Variants in MGAT4C observed in about 807,000 individuals in gnomAD.
MGAT4C encodes MGAT4 family member C, also known as alpha-1,3-mannosyl-glycoprotein 4-beta-N-acetylglucosaminyltransferase C.
A neutral mutation model predicts 40.1 loss-of-function variants in MGAT4C; 19 were observed. That is an observed-to-expected ratio of 0.47 (90% CI 0.33 to 0.70). The LOEUF (loss-of-function observed/expected upper bound fraction) is 0.70. MGAT4C is among the 30% of genes least tolerant of loss of function. The pLI is 0.02. For synonymous variants in MGAT4C, 181 were observed against 187.1 expected (o/e 0.97, Z 0.27); for missense variants, 491 against 563.2 (o/e 0.87, Z 1.30).
chr12:86,433,020 T>C (rs1957070535), intron 3 of MGAT4C, among the ~76,000 whole-genome samples: 1 of 151,944 alleles, frequency 6.6e-6, no homozygotes, highest in Admixed American at 6.6e-5. Context: ...AGCCACACAG[T>C]TCAGTTAGAA....
At chr12:86,779,642 G>A (rs1351236210) in intron 1 of MGAT4C, among the ~76,000 whole-genome samples, 13 of 151,764 alleles carry the variant, frequency 8.6e-5, no homozygotes, top group Admixed American at 5.9e-4. Context: ...GGCCGGGAGC[G>A]GTGGCTTACT....
intron 4 of MGAT4C, among the ~76,000 whole-genome samples, chr12:86,331,240 T>G (rs1016080622): frequency 6.6e-6 from 1 of 152,214 alleles, no homozygotes; most frequent in East Asian, 1.9e-4. Context: ...TCCAAGCGGT[T>G]GCATCCCTTC....
intron 2 of MGAT4C, among the ~76,000 whole-genome samples, chr12:86,450,789 CTA>C: frequency 6.7e-6 from 1 of 148,918 alleles, no homozygotes; most frequent in East Asian, 2.0e-4. Flanking sequence ...AAATATGTGA[CTA>C]TACACGTAAT....
chr12:86,520,614 TG>T (rs1170350116), intron 2 of MGAT4C, among the ~76,000 whole-genome samples: 2 of 152,166 alleles, frequency 1.3e-5, no homozygotes, highest in African/African-American at 4.8e-5. Context: ...CTAAGTGGAA[TG>T]GTAGTTCTGT....
chr12:86,775,773 T>C (rs1951737763), intron 1 of MGAT4C, among the ~76,000 whole-genome samples: 1 of 151,682 alleles, frequency 6.6e-6, no homozygotes, highest in African/African-American at 2.4e-5. Context: ...CCAAATAATT[T>C]ACTATTTCTG....
intron 1 of MGAT4C, among the ~76,000 whole-genome samples, chr12:86,235,106 C>T (rs985672850): frequency 6.6e-6 from 1 of 151,942 alleles, no homozygotes; most frequent in Admixed American, 6.6e-5. Flanking sequence ...GTTCATACAT[C>T]TTCATAGGTT....
At chr12:86,489,848 T>C (rs1354319355) in intron 2 of MGAT4C, among the ~76,000 whole-genome samples, 3 of 151,874 alleles carry the variant, frequency 2.0e-5, no homozygotes, top group African/African-American at 7.3e-5. Context: ...ATGAATGAAA[T>C]GAAGCGAGAA....
chr12:86,657,720 C>G lies in MGAT4C; in HGVS notation c.-229+69489G>C, dbSNP rs1224423657. Among the ~76,000 whole-genome samples the G allele has an allele frequency of 1.5e-4, 23 of 151,726 alleles. 1 individual carries two copies. Among genetic ancestry groups the G allele is most frequent in the Admixed American group, 1.5e-3 (23 of 15,190 alleles). On this transcript the variant is annotated intron_variant, in intron 2 of 7. Transcript: ENST00000548651. ...GAGCAATACTATACTAGTAAATATG[C>G]TGGAGGATTTTATTAAAAATGTGGC...
At position 86,321,642 on chromosome 12, in the gene MGAT4C, T is replaced by G. The variant is rs552760491; in HGVS notation, c.-57+12423A>C. Among the ~76,000 whole-genome samples the G allele has an allele frequency of 6.4e-4, 97 of 152,238 alleles. No homozygotes were observed. The East Asian group carries it at 0.016, about 25-fold the overall frequency. ...TTCTTTTTTAAAAATGTCCTCAAGT[T>G]ATACTTTTTTAAAAATCAGAGACCT... On this transcript the variant is annotated intron_variant, in intron 4 of 7. Transcript: ENST00000548651.
chr12:86,227,945 AT>A (rs1210432098), intron 1 of MGAT4C, among the ~76,000 whole-genome samples: 1 of 151,940 alleles, frequency 6.6e-6, no homozygotes, highest in Non-Finnish European at 1.5e-5. Context: ...AAGTTTCTGA[AT>A]CATGGCTTTT....
intron 3 of MGAT4C, among the ~76,000 whole-genome samples, chr12:86,371,052 A>T (rs1263443062): frequency 6.6e-6 from 1 of 152,070 alleles, no homozygotes; most frequent in Non-Finnish European, 1.5e-5. Context: ...AATAAAATTC[A>T]TACTGAGTCT....
At chr12:86,513,486 T>C (rs577503079) in intron 2 of MGAT4C, among the ~76,000 whole-genome samples, 1 of 152,306 alleles carries the variant, frequency 6.6e-6, no homozygotes, top group South Asian at 2.1e-4. Flanking sequence ...GCTGTAGTTT[T>C]ATGGATGCTG....
intron 3 of MGAT4C, among the ~76,000 whole-genome samples, chr12:86,362,337 T>C (rs1955495158): frequency 1.3e-5 from 2 of 151,586 alleles, no homozygotes; most frequent in East Asian, 3.9e-4. Flanking sequence ...GGGCCTGGCA[T>C]GGGGTGAGGG....
chr12:86,560,754 G>C (rs1959823397), intron 2 of MGAT4C, among the ~76,000 whole-genome samples: 1 of 152,074 alleles, frequency 6.6e-6, no homozygotes, highest in Admixed American at 6.6e-5. Context: ...AATTTCACCA[G>C]TTGTATTAAA....
intron 3 of MGAT4C, among the ~76,000 whole-genome samples, chr12:86,355,401 T>G (rs1033163685): frequency 6.6e-6 from 1 of 152,158 alleles, no homozygotes; most frequent in African/African-American, 2.4e-5. Flanking sequence ...GAAGACAGAA[T>G]GGCTAAATAC....
chr12:86,794,287 T>A (rs147524546), intron 1 of MGAT4C, among the ~76,000 whole-genome samples: 251 of 151,858 alleles, frequency 1.7e-3, no homozygotes, highest in African/African-American at 5.5e-3. Context: ...TGTTTAATAA[T>A]CTTGCTCAAA....
chr12:86,799,070 G>A (rs1952179989), intron 1 of MGAT4C, among the ~76,000 whole-genome samples: 1 of 151,718 alleles, frequency 6.6e-6, no homozygotes, highest in Admixed American at 6.6e-5. Flanking sequence ...ATATTAAGGT[G>A]AAATTCAGCA....
intron 1 of MGAT4C, among the ~76,000 whole-genome samples, chr12:86,156,214 G>T (rs180707093): frequency 6.6e-6 from 1 of 152,256 alleles, no homozygotes; most frequent in Non-Finnish European, 1.5e-5. Flanking sequence ...ATTTGCCAGA[G>T]ATTATTGTGT....
intron 2 of MGAT4C, among the ~76,000 whole-genome samples, chr12:86,458,744 T>C (rs905153761): frequency 3.9e-5 from 6 of 152,180 alleles, no homozygotes; most frequent in African/African-American, 1.4e-4. Context: ...TCTCACAAAA[T>C]TACTAATTTC....
Sources: allele counts gnomAD v4.1 joint callset (sites outside exome capture counted in the v4.1 genomes callset), GRCh38; gene constraint gnomAD v4.1.1; transcripts MANE v1.5; gene names NCBI Gene and HGNC (gene_info 2026-07-23, HGNC 2026-07-21).